Variants in SLC39A9 observed in about 807,000 individuals in gnomAD.
SLC39A9 encodes the protein solute carrier family 39 member 9, also known as zinc transporter ZIP9.
In SLC39A9, 14 loss-of-function variants were observed where a neutral mutation model predicts 28.4. That is an observed-to-expected ratio of 0.49 (90% CI 0.33 to 0.77). SLC39A9 has a LOEUF of 0.77. SLC39A9 is among the 30% of genes least tolerant of loss of function. SLC39A9 has a pLI of 0.02. For synonymous variants in SLC39A9, 119 were observed against 149.6 expected, an observed-to-expected ratio of 0.80 and a Z score of 1.49; for missense variants, 283 against 381.1, an observed-to-expected ratio of 0.74 and a Z score of 2.14.
At chr14:69,430,943 T>C (rs141253188) in intron 2 of SLC39A9, among the ~76,000 whole-genome samples, 11 of 152,292 alleles carry the variant, frequency 7.2e-5, no homozygotes, top group African/African-American at 2.4e-4. Flanking sequence ...TTTTTGAAAA[T>C]TGTTTTGGCT....
At chr14:69,436,594 C>T (rs540858147) in intron 2 of SLC39A9, among the ~76,000 whole-genome samples, 1 of 152,248 alleles carries the variant, frequency 6.6e-6, no homozygotes, top group South Asian at 2.1e-4. Flanking sequence ...CTCATTTTAG[C>T]TGAGTTTTCA....
At chr14:69,441,913 G>C (rs1393695681) in intron 2 of SLC39A9, 156 bp from the exon 3 acceptor site, 30 of 1,409,212 alleles carry the variant, frequency 2.1e-5, no homozygotes, top group Non-Finnish European at 2.6e-5. Context: ...TGAACTTTAA[G>C]TTGAAGGAGT....
chr14:69,400,889 C>T (rs967145456), intron 1 of SLC39A9, among the ~76,000 whole-genome samples: 1 of 151,096 alleles, frequency 6.6e-6, no homozygotes, highest in Non-Finnish European at 1.5e-5. Flanking sequence ...TGCGGTGGGG[C>T]GCGCCTGTAG....
chr14:69,438,142 C>T (rs1884869812), intron 2 of SLC39A9, among the ~76,000 whole-genome samples: 1 of 151,890 alleles, frequency 6.6e-6, no homozygotes, highest in African/African-American at 2.4e-5. Flanking sequence ...CTGCCTCAGC[C>T]TCCCTAGTAG....
intron 2 of SLC39A9, chr14:69,428,554 C>G (rs1262953773): frequency 6.6e-6 from 1 of 152,650 alleles, no homozygotes; most frequent in East Asian, 1.9e-4. Flanking sequence ...AAACTTTCCA[C>G]TCGATAGATG....
chr14:69,432,211 C>T (rs1453943110), intron 2 of SLC39A9, among the ~76,000 whole-genome samples: 1 of 152,142 alleles, frequency 6.6e-6, no homozygotes, highest in Non-Finnish European at 1.5e-5. Flanking sequence ...TTCTCCCTAG[C>T]CTTGCCAGCA....
upstream of SLC39A9, chr14:69,398,393 T>G (rs1182809154): frequency 1.1e-6 from 1 of 950,404 alleles, no homozygotes; most frequent in Non-Finnish European, 1.6e-6. Context: ...CACAGTCACT[T>G]CCGGCAGCTA....
Position 69,436,692 on chromosome 14 carries a change from A to C in SLC39A9, c.206-5377A>C, listed in dbSNP as rs551219979. ...ACTTGTGCCGTTTATACATAGGATT[A>C]AAGAACCCCTCTCTCAGCTCTTTCC... On this transcript the variant is annotated intron_variant, in intron 2 of 6. Coordinates refer to ENST00000336643, the MANE Select transcript of SLC39A9 (RefSeq NM_018375.5). 3.9e-5 allele frequency among the ~76,000 whole-genome samples: 6 copies of C among 152,248 alleles called. No homozygotes were observed. In the East Asian group the frequency reaches 1.2e-3, roughly 29 times the overall value.
At chr14:69,445,106 A>G (rs557915851) in intron 3 of SLC39A9, among the ~76,000 whole-genome samples, 6 of 152,256 alleles carry the variant, frequency 3.9e-5, no homozygotes, top group African/African-American at 1.4e-4. Context: ...TGTTTTATGT[A>G]AGAAAGAAGG....
At position 69,424,795 on chromosome 14, in the gene SLC39A9, G is replaced by A. The variant is rs148492401; in HGVS notation, c.205+593G>A. Among the ~76,000 whole-genome samples, 23 of 152,136 alleles carry A rather than the reference G, an allele frequency of 1.5e-4. No homozygotes were observed. In the East Asian group the frequency reaches 4.1e-3, roughly 27 times the overall value. ...TCACATTTGTGACTTAGCAAAATCC[G>A]ATTACTACATGTCATGAAACTTCAC... On this transcript the variant is annotated intron_variant, in intron 2 of 6. Coordinates refer to ENST00000336643, the MANE Select transcript of SLC39A9 (RefSeq NM_018375.5).
intron 3 of SLC39A9, among the ~76,000 whole-genome samples, chr14:69,451,796 G>C (rs1272462528): frequency 6.6e-6 from 1 of 152,104 alleles, no homozygotes; most frequent in Non-Finnish European, 1.5e-5. Context: ...GCTTGTTGCA[G>C]CCTTAAACTC....
At chr14:69,442,300 T>C (rs1185449401) in intron 3 of SLC39A9, 34 bp downstream of exon 3, 9 of 1,579,706 alleles carry the variant, frequency 5.7e-6, no homozygotes, top group Non-Finnish European at 7.8e-6. Flanking sequence ...GGCAGTGCAA[T>C]ACATTTGCAG....
At chr14:69,455,384 T>A (rs904503972) in intron 5 of SLC39A9, among the ~76,000 whole-genome samples, 5 of 152,146 alleles carry the variant, frequency 3.3e-5, no homozygotes, top group African/African-American at 9.7e-5. Flanking sequence ...TGGAGTGCAA[T>A]GGTGTGATCT....
intron 3 of SLC39A9, among the ~76,000 whole-genome samples, chr14:69,450,596 A>T (rs1320234893): frequency 6.6e-6 from 1 of 152,124 alleles, no homozygotes; most frequent in African/African-American, 2.4e-5. Flanking sequence ...ACAACACAGC[A>T]AGACCCATCT....
intron 1 of SLC39A9, among the ~76,000 whole-genome samples, chr14:69,411,653 C>T (rs1357899216): frequency 1.3e-5 from 2 of 152,052 alleles, no homozygotes; most frequent in Non-Finnish European, 2.9e-5. Flanking sequence ...ATTTTGTTAA[C>T]TTTAATATAA....
At chr14:69,413,833 TG>T (rs1026166213) in intron 1 of SLC39A9, among the ~76,000 whole-genome samples, 10 of 152,198 alleles carry the variant, frequency 6.6e-5, no homozygotes, top group African/African-American at 2.4e-4. Context: ...CTTAGTCATG[TG>T]ATCTTGGGCA....
chr14:69,456,779 A>T (rs1566927135), intron 6 of SLC39A9, among the ~76,000 whole-genome samples: 1 of 152,218 alleles, frequency 6.6e-6, no homozygotes, highest in Non-Finnish European at 1.5e-5. Context: ...TCTGAGCATC[A>T]GTCAATTCAG....
At chr14:69,427,576 GT>G (rs1268454180) in intron 2 of SLC39A9, among the ~76,000 whole-genome samples, 3 of 152,104 alleles carry the variant, frequency 2.0e-5, no homozygotes, top group Admixed American at 6.5e-5. Context: ...AAGTATGCTT[GT>G]GCTGTCCATT....
At chr14:69,417,647 G>A (rs993964152) in intron 1 of SLC39A9, among the ~76,000 whole-genome samples, 5 of 151,952 alleles carry the variant, frequency 3.3e-5, no homozygotes, top group South Asian at 4.2e-4. Context: ...CTTTTATTTC[G>A]TTGAGCAGTG....
Sources: gnomAD v4.1 joint callset for allele counts (sites outside exome capture counted in the v4.1 genomes callset) on GRCh38, gnomAD v4.1.1 for gene constraint, MANE v1.5 for transcripts, NCBI Gene and HGNC (gene_info 2026-07-23, HGNC 2026-07-21) for gene names.